The following SH3D19 variants were observed in gnomAD, a reference collection of about 807,000 sequenced individuals.
SH3D19 encodes SH3 domain containing 19.
A neutral mutation model predicts 112.1 loss-of-function variants in SH3D19; 58 were observed. The ratio of observed to expected loss-of-function variants is 0.52; its 90% CI spans 0.42 to 0.64. The LOEUF (loss-of-function observed/expected upper bound fraction) is 0.64. Ranked by LOEUF, SH3D19 falls within the 30% of genes least tolerant of loss-of-function variation. The pLI is 0.00. For missense variants in SH3D19, 1,090 were observed against 1,263.4 expected (o/e 0.86, Z 2.08); for synonymous variants, 391 against 448.5 (o/e 0.87, Z 1.62).
chr4:151,142,940 T>C (rs1411362527), intron 12 of SH3D19, among the ~76,000 whole-genome samples: 5 of 152,218 alleles, frequency 3.3e-5, no homozygotes, highest in African/African-American at 4.8e-5. Context: ...TGCACTGTTA[T>C]AAAAGACTAA....
At chr4:151,235,183 T>G (rs1448417560) in intron 1 of SH3D19, among the ~76,000 whole-genome samples, 1 of 151,938 alleles carries the variant, frequency 6.6e-6, no homozygotes. Context: ...ATCCTCCCCC[T>G]CCTCCCGCCC....
chr4:151,207,195 G>A (rs1765246674), intron 2 of SH3D19, among the ~76,000 whole-genome samples: 1 of 152,106 alleles, frequency 6.6e-6, no homozygotes, highest in Non-Finnish European at 1.5e-5. Context: ...TTTAGTAGCA[G>A]TGCATCACCA....
chr4:151,127,218 G>T (rs1464016856), intron 19 of SH3D19, among the ~76,000 whole-genome samples: 2 of 152,204 alleles, frequency 1.3e-5, no homozygotes, highest in African/African-American at 4.8e-5. Context: ...AGTGCAAATT[G>T]TAGCAGGTGC....
At chr4:151,217,961 TACAC>T (rs898316377) in intron 2 of SH3D19, among the ~76,000 whole-genome samples, 3 of 152,060 alleles carry the variant, frequency 2.0e-5, no homozygotes, top group Non-Finnish European at 2.9e-5. Context: ...ATACTACACA[TACAC>T]ACACATATAT....
At chr4:151,191,998 G>A (rs1469122459) in intron 2 of SH3D19, among the ~76,000 whole-genome samples, 1 of 139,548 alleles carries the variant, frequency 7.2e-6, no homozygotes, top group East Asian at 2.1e-4. Flanking sequence ...AGGCTGGAGT[G>A]CAGTGGCATG....
At chr4:151,272,189 GATAA>G (rs1248087432) in intron 1 of SH3D19, among the ~76,000 whole-genome samples, 1 of 152,184 alleles carries the variant, frequency 6.6e-6, no homozygotes, top group Admixed American at 6.5e-5. Flanking sequence ...AAAAGGCAAA[GATAA>G]ATAGATAAAA....
chr4:151,229,228 T>C (rs1184522994), intron 1 of SH3D19, among the ~76,000 whole-genome samples: 1 of 152,082 alleles, frequency 6.6e-6, no homozygotes, highest in Non-Finnish European at 1.5e-5. Flanking sequence ...TTTCTAAAGG[T>C]TTTCTGAACT....
Position 151,175,440 on chromosome 4 carries a change from G to T in SH3D19, c.764C>A (p.Ala255Asp). ...EQSQQKISPA[A>D]VGEESSPGRP... ...GCCTGGGGATGACTCCTCTCCTACG[G>T]CTGCTGGGCTGATTTTCTGTTGACT... is the stretch of plus-strand genomic sequence containing the variant. The change falls in exon 7 of 20, where the codon GCC becomes GAC. Residue 255 changes from alanine to aspartate, a missense_variant. Ala to Asp is a moderately radical substitution (Grantham distance 126). Transcript: ENST00000604030. 6.6e-7 allele frequency: 1 copy of T among 1,516,478 alleles called. No individual in the cohort carries two copies. The allele number at this position is 1,516,478 out of a possible 1,614,324, so 93.9% of individuals were successfully genotyped here.
chr4:151,241,542 A>G (rs1770558578), intron 1 of SH3D19, among the ~76,000 whole-genome samples: 1 of 144,906 alleles, frequency 6.9e-6, no homozygotes, highest in Admixed American at 6.7e-5. Context: ...TACACTAAAA[A>G]CCACTTTATT....
At chr4:151,164,136 A>G (rs1757597117) in intron 8 of SH3D19, among the ~76,000 whole-genome samples, 1 of 152,240 alleles carries the variant, frequency 6.6e-6, no homozygotes, top group African/African-American at 2.4e-5. Flanking sequence ...AATAAAGGGA[A>G]TATGCCTGCA....
At chr4:151,233,300 T>C (rs777408127) in intron 1 of SH3D19, among the ~76,000 whole-genome samples, 6 of 152,152 alleles carry the variant, frequency 3.9e-5, no homozygotes, top group Non-Finnish European at 7.3e-5. Context: ...TATGTTTGAA[T>C]GATCCTGAAA....
At chr4:151,271,043 C>A (rs997230845) in intron 1 of SH3D19, among the ~76,000 whole-genome samples, 1 of 152,178 alleles carries the variant, frequency 6.6e-6, no homozygotes, top group African/African-American at 2.4e-5. Context: ...CCCACCTCAG[C>A]CTCCTGAGTA....
intron 11 of SH3D19, among the ~76,000 whole-genome samples, chr4:151,145,773 A>G (rs1753819692): frequency 6.6e-6 from 1 of 152,192 alleles, no homozygotes; most frequent in Non-Finnish European, 1.5e-5. Flanking sequence ...AGCAGGTGTC[A>G]GAGCCAGCTG....
rs1770956670 is a variant in SH3D19, at chr4:151,246,491, A to T, written c.113-20405T>A. ...TTCTGGAGAGTAATTTGGGCCTTTA[A>T]AAAGTTTATGACCTTTTCTCCAACA... is the stretch of plus-strand genomic sequence containing the variant. On this transcript the variant is annotated intron_variant, in intron 1 of 19. Transcript: ENST00000604030. 7.2e-5 allele frequency among the ~76,000 whole-genome samples: 11 copies of T among 152,232 alleles called. 1 individual carries two copies. Among genetic ancestry groups the T allele is most frequent in the Admixed American group, 7.2e-4 (11 of 15,280 alleles).
At chr4:151,274,492 C>T (rs549147475) in intron 1 of SH3D19, among the ~76,000 whole-genome samples, 9 of 152,288 alleles carry the variant, frequency 5.9e-5, no homozygotes, top group African/African-American at 1.9e-4. Context: ...CCAAATAAGA[C>T]GTCTTGGGAG....
chr4:151,213,593 C>A (rs951424636), intron 2 of SH3D19, among the ~76,000 whole-genome samples: 2 of 151,996 alleles, frequency 1.3e-5, no homozygotes, highest in African/African-American at 4.8e-5. Flanking sequence ...TGCAGTGAGC[C>A]GTGACTGCAC....
At chr4:151,256,766 G>A (rs1390624017) in intron 1 of SH3D19, among the ~76,000 whole-genome samples, 3 of 149,254 alleles carry the variant, frequency 2.0e-5, no homozygotes, top group African/African-American at 7.4e-5. Context: ...TTGATAGAGA[G>A]TCTTGCTCTA....
At chr4:151,276,332 C>A (rs532137746) in intron 1 of SH3D19, among the ~76,000 whole-genome samples, 6 of 152,164 alleles carry the variant, frequency 3.9e-5, no homozygotes, top group African/African-American at 1.4e-4. Context: ...CCATCCAGAC[C>A]CCCCTTTAGA....
chr4:151,222,312 C>T (rs1348697425), intron 2 of SH3D19, among the ~76,000 whole-genome samples: 2 of 152,174 alleles, frequency 1.3e-5, no homozygotes, highest in Admixed American at 1.3e-4. Context: ...ATAAGTAACA[C>T]CTATATGCCT....
Sources: gnomAD v4.1 joint callset for allele counts (sites outside exome capture counted in the v4.1 genomes callset) on GRCh38, gnomAD v4.1.1 for gene constraint, MANE v1.5 for transcripts, NCBI Gene and HGNC (gene_info 2026-07-23, HGNC 2026-07-21) for gene names.